Variants in TERF1 observed in about 807,000 individuals in gnomAD.
TERF1 encodes telomeric repeat-binding factor 1.
Under a neutral mutation model 55.1 loss-of-function variants are expected in TERF1, and 20 were observed. That is an observed-to-expected ratio of 0.36 (90% CI 0.26 to 0.53). The LOEUF (loss-of-function observed/expected upper bound fraction) is 0.53. Among genes scored for constraint, TERF1 ranks in the 20% least tolerant of loss-of-function variants. The pLI is 0.91. For synonymous variants in TERF1, 168 were observed against 181.2 expected (o/e 0.93, Z 0.59); for missense variants, 439 against 535.7 (o/e 0.82, Z 1.78).
intron 5 of TERF1, among the ~76,000 whole-genome samples, chr8:73,025,533 A>C (rs886161393): frequency 1.3e-5 from 2 of 151,134 alleles, no homozygotes; most frequent in African/African-American, 4.9e-5. Context: ...CAGGTGAATC[A>C]CACGGTCAGG....
At chr8:73,029,457 T>A (rs1809182131) in intron 6 of TERF1, among the ~76,000 whole-genome samples, 1 of 151,984 alleles carries the variant, frequency 6.6e-6, no homozygotes, top group Non-Finnish European at 1.5e-5. Flanking sequence ...GAACCTTGTC[T>A]TTACAAAAAT....
Position 73,046,007 on chromosome 8 carries a change from A to C in TERF1, c.1190A>C (p.Lys397Thr), listed in dbSNP as rs1448380465. 8 of 1,606,518 alleles carry C rather than the reference A, an allele frequency of 5.0e-6. No individual in the cohort carries two copies. The highest frequency in any genetic ancestry group is 1.7e-4 in the Middle Eastern group (1 of 6,048). ...AAGAATTTGAGATCTGGCGTGAGGAAATATGGAGAGGGAAACTGGTCTAAA... is the reference window on the plus strand; with the variant it reads ...AAGAATTTGAGATCTGGCGTGAGGACATATGGAGAGGGAAACTGGTCTAAA... ...EDKNLRSGVR[K>T]YGEGNWSKIL... The change falls in exon 10 of 10, where the codon AAA becomes ACA. Residue 397 changes from lysine (K) to threonine (T), a missense_variant. Lys to Thr is a moderately conservative substitution (Grantham distance 78). Around this residue, in one of 4 missense-constraint regions of TERF1, gnomAD observed 25 missense variants for 57.3 expected, o/e 0.44. Transcript: ENST00000276603.
intron 3 of TERF1, among the ~76,000 whole-genome samples, chr8:73,021,466 G>A (rs1008163239): frequency 6.6e-6 from 1 of 152,132 alleles, no homozygotes; most frequent in Admixed American, 6.5e-5. Context: ...GCTAGAGAAA[G>A]CAAGTCTTTC....
At chr8:73,020,119 T>C (rs1388468575) in intron 2 of TERF1, among the ~76,000 whole-genome samples, 1 of 152,232 alleles carries the variant, frequency 6.6e-6, no homozygotes, top group Non-Finnish European at 1.5e-5. Context: ...CTGTAGATGC[T>C]AGACATGTAA....
chr8:73,019,934 ATATTGTTTACTACTCTGAAACTG>A (rs1401997750), intron 2 of TERF1, among the ~76,000 whole-genome samples: 16 of 151,218 alleles, frequency 1.1e-4, no homozygotes, highest in African/African-American at 2.7e-4. Flanking sequence ...CTCTGAAACT[ATATTGTTTACTACTCTGAAACTG>A]TATTGTTTAC....
At chr8:73,045,931 G>A (rs34935804) in intron 9 of TERF1, 30 bp from the exon 10 acceptor site, 5 of 1,449,210 alleles carry the variant, frequency 3.5e-6, no homozygotes, top group South Asian at 3.2e-5. Flanking sequence ...AATTGTTTCT[G>A]TAAATAACTG....
At chr8:73,028,163 C>A (rs190009109) in intron 6 of TERF1, among the ~76,000 whole-genome samples, 2 of 152,256 alleles carry the variant, frequency 1.3e-5, no homozygotes, top group Non-Finnish European at 2.9e-5. Context: ...ATTGCTAATA[C>A]CATGGTTCTT....
rs768791939 is a variant in TERF1 at position 73,008,907 on chromosome 8, A to G, written c.21A>G (p.Ser7=). The G allele has an allele frequency of 6.2e-7, 1 of 1,609,012 alleles. No homozygotes were observed. The highest frequency in any genetic ancestry group is 8.5e-7 in the Non-Finnish European group (1 of 1,178,090). ...TTAACATGGCGGAGGATGTTTCCTC[A>G]GCGGCCCCGAGCCCGCGGGGCTGTG... MAEDVS[S]AAPSPRGCAD... The change falls in exon 1 of 10, where the codon TCA becomes TCG. Residue 7 remains serine, a synonymous_variant. Transcript: ENST00000276603.
intron 8 of TERF1, among the ~76,000 whole-genome samples, 156 bp from the exon 9 acceptor site, chr8:73,038,960 A>G (rs1022244807): frequency 6.6e-6 from 1 of 152,174 alleles, no homozygotes; most frequent in Non-Finnish European, 1.5e-5. Flanking sequence ...TCTTTGCACT[A>G]TACCATACTG....
chr8:73,040,916 T>TACCATGTTGATTTCTGGC (rs1461622260), intron 9 of TERF1, among the ~76,000 whole-genome samples: 7 of 152,220 alleles, frequency 4.6e-5, no homozygotes, highest in Non-Finnish European at 1.0e-4. Flanking sequence ...TCATTTCTGT[T>TACCATGTTGATTTCTGGC]ACCATGTTGA....
chr8:73,014,272 C>T (rs1563455566), intron 2 of TERF1, among the ~76,000 whole-genome samples: 1 of 152,024 alleles, frequency 6.6e-6, no homozygotes, highest in Non-Finnish European at 1.5e-5. Flanking sequence ...TGCTGAGTCT[C>T]CCTAACTCTC....
At position 73,024,899 on chromosome 8, in the gene TERF1, C is replaced by A; in HGVS notation, c.702C>A (p.Asn234Lys). ...CCTTTTTTCAACACTTCAGCTACAA[C>A]CACATGATGGAGAAAATTAAGAGTT... ...FHSFFQHFSY[N>K]HMMEKIKSYV... The change falls in exon 5 of 10, where the codon AAC becomes AAA. Residue 234 changes from asparagine to lysine, a missense_variant. This residue lies in a region of TERF1 where 95 missense variants were observed against 167.2 expected (regional missense o/e 0.57). Coordinates refer to ENST00000276603, the MANE Select transcript of TERF1 (RefSeq NM_017489.3). 1.9e-6 allele frequency: 3 copies of A among 1,584,192 alleles called. No homozygotes were observed. Among genetic ancestry groups the A allele is most frequent in the Non-Finnish European group, 2.6e-6 (3 of 1,169,168 alleles).
At chr8:73,013,464 A>C (rs1204012120) in intron 1 of TERF1, among the ~76,000 whole-genome samples, 3 of 152,324 alleles carry the variant, frequency 2.0e-5, no homozygotes, top group Admixed American at 6.5e-5. Flanking sequence ...CTGGGTGGGC[A>C]TTCAAGTTTG....
intron 9 of TERF1, among the ~76,000 whole-genome samples, chr8:73,039,561 G>A (rs1480183382): frequency 6.6e-6 from 1 of 152,060 alleles, no homozygotes; most frequent in African/African-American, 2.4e-5. Flanking sequence ...AGTGTAAAAA[G>A]AGTTTTCTTT....
intron 2 of TERF1, among the ~76,000 whole-genome samples, chr8:73,016,313 A>C (rs1808498633): frequency 6.6e-6 from 1 of 152,104 alleles, no homozygotes; most frequent in Admixed American, 6.6e-5. Context: ...CTCCTACCCC[A>C]CATAGGTTTG....
intron 1 of TERF1, among the ~76,000 whole-genome samples, chr8:73,013,442 C>T (rs1808358943): frequency 6.6e-6 from 1 of 152,142 alleles, no homozygotes; most frequent in Non-Finnish European, 1.5e-5. Context: ...TAATCACTGC[C>T]TGACTCAACA....
chr8:73,036,355 T>C (rs1434530981), intron 8 of TERF1, among the ~76,000 whole-genome samples: 1 of 152,176 alleles, frequency 6.6e-6, no homozygotes, highest in Non-Finnish European at 1.5e-5. Context: ...GCAGGGGTGC[T>C]CAGAGCCAAT....
At position 73,008,908 on chromosome 8, in the gene TERF1, G is replaced by A. The variant is rs1276232415; in HGVS notation, c.22G>A (p.Ala8Thr). ...TAACATGGCGGAGGATGTTTCCTCA[G>A]CGGCCCCGAGCCCGCGGGGCTGTGC... MAEDVSSAAPSPRGCADG... is the reference protein window; with the variant it reads MAEDVSSTAPSPRGCADG... Residue 8 changes from alanine to threonine, a missense_variant, in exon 1 of 10, where the codon GCG becomes ACG. Around this residue, in one of 4 missense-constraint regions of TERF1, gnomAD observed 179 missense variants for 152.6 expected, o/e 1.17. Coordinates refer to ENST00000276603, the MANE Select transcript of TERF1 (RefSeq NM_017489.3). The A allele has an allele frequency of 6.2e-7, 1 of 1,609,174 alleles. No individual in the cohort carries two copies. Among genetic ancestry groups the A allele is most frequent in the South Asian group, 1.1e-5 (1 of 89,988 alleles).
chr8:73,030,769 T>C (rs1809249389), intron 7 of TERF1: 1 of 162,552 alleles, frequency 6.2e-6, no homozygotes, highest in Non-Finnish European at 1.3e-5. Flanking sequence ...TGAAAGTTAC[T>C]TGAAAAACTT....
Sources: allele counts gnomAD v4.1 joint callset (sites outside exome capture counted in the v4.1 genomes callset), GRCh38; gene constraint gnomAD v4.1.1; regional missense constraint gnomAD v4.1.1; transcripts MANE v1.5; gene names NCBI Gene and HGNC (gene_info 2026-07-23, HGNC 2026-07-21).